The following AKT3 variants were observed in gnomAD, a reference collection of about 807,000 sequenced individuals.
The protein encoded by AKT3 is RAC-gamma serine/threonine-protein kinase.
A neutral mutation model predicts 65.3 loss-of-function variants in AKT3; 15 were observed. That is an observed-to-expected ratio of 0.23 (90% CI 0.15 to 0.35). The LOEUF (loss-of-function observed/expected upper bound fraction) is 0.35. AKT3 is among the 10% of genes least tolerant of loss of function. The pLI is 1.00. For missense variants in AKT3, 243 were observed against 576.5 expected, an observed-to-expected ratio of 0.42 and a Z score of 5.92; for synonymous variants, 206 against 183.8, an observed-to-expected ratio of 1.12 and a Z score of -0.98.
intron 6 of AKT3, among the ~76,000 whole-genome samples, chr1:243,631,432 G>T (rs1679604176): frequency 6.6e-6 from 1 of 152,014 alleles, no homozygotes. Context: ...GGGATTACAG[G>T]CACCTGCCAT....
chr1:243,667,081 A>G (rs1682838454), intron 3 of AKT3, among the ~76,000 whole-genome samples: 1 of 152,202 alleles, frequency 6.6e-6, no homozygotes, highest in South Asian at 2.1e-4. Flanking sequence ...AAAATTTGAA[A>G]TACAATCTCC....
intron 4 of AKT3, among the ~76,000 whole-genome samples, chr1:243,647,694 G>A (rs1680923114): frequency 6.6e-6 from 1 of 152,080 alleles, no homozygotes; most frequent in Non-Finnish European, 1.5e-5. Flanking sequence ...CATGTGGTAT[G>A]CAAACAAGAG....
chr1:243,789,611 C>T lies in AKT3; in HGVS notation c.46+53514G>A, dbSNP rs140633192. 4.1e-3 allele frequency among the ~76,000 whole-genome samples: 622 copies of T among 152,268 alleles called. 3 individuals are homozygous for T. Among genetic ancestry groups the T allele is most frequent in the Non-Finnish European group, 7.1e-3 (483 of 68,020 alleles). On this transcript the variant is annotated intron_variant, in intron 2 of 13. Coordinates refer to ENST00000673466, the MANE Select transcript of AKT3 (RefSeq NM_005465.7). The stretch of plus-strand genomic sequence containing the variant: ...AACTTTTTCCAAACTCTTGTTAATG[C>T]TGATATTCTGACCTCCTCCCATGAT...
chr1:243,573,096 TG>T, intron 8 of AKT3, 48 bp from the exon 9 acceptor site: 3 of 1,597,764 alleles, frequency 1.9e-6, no homozygotes, highest in Non-Finnish European at 2.6e-6. Flanking sequence ...ACTGATTTAG[TG>T]GGGGAAATTA....
At chr1:243,710,391 C>T (rs990876238) in intron 2 of AKT3, among the ~76,000 whole-genome samples, 1 of 152,112 alleles carries the variant, frequency 6.6e-6, no homozygotes, top group African/African-American at 2.4e-5. Flanking sequence ...CATCCATCAC[C>T]ATGTGCCATT....
chr1:243,678,254 A>C (rs191242252), intron 3 of AKT3, among the ~76,000 whole-genome samples: 1 of 152,246 alleles, frequency 6.6e-6, no homozygotes, highest in East Asian at 1.9e-4. Context: ...CTGGCTTTGA[A>C]AGATGGTTCC....
rs144367893 is a variant in AKT3, at chr1:243,517,554, C to T, written c.1252-5128G>A. Among the ~76,000 whole-genome samples the T allele has an allele frequency of 1.4e-3, 215 of 152,264 alleles. 1 individual carries two copies. The East Asian group carries it at 0.033, about 23-fold the overall frequency. On this transcript the variant is annotated intron_variant, in intron 12 of 13. Transcript: ENST00000673466. ...ACTCCCTTAATTATTATGAAATGTT[C>T]CTCCTTATCTCCAGCAATATTACTT...
At chr1:243,562,134 T>C (rs774121361) in intron 10 of AKT3, among the ~76,000 whole-genome samples, 23 of 152,160 alleles carry the variant, frequency 1.5e-4, no homozygotes, top group African/African-American at 5.1e-4. Flanking sequence ...TAATGGAATA[T>C]TATCCAGCCA....
intron 6 of AKT3, among the ~76,000 whole-genome samples, chr1:243,620,718 G>A (rs1051523969): frequency 2.0e-5 from 3 of 152,074 alleles, no homozygotes; most frequent in Admixed American, 6.6e-5. Flanking sequence ...CCTTGATGGA[G>A]ATGAAAGCAC....
chr1:243,509,521 T>C (rs1669888450), intron 13 of AKT3, among the ~76,000 whole-genome samples: 1 of 152,194 alleles, frequency 6.6e-6, no homozygotes, highest in South Asian at 2.1e-4. Flanking sequence ...TACAACAGTT[T>C]CTAATTGACC....
chr1:243,507,232 T>G (rs1309978730), intron 13 of AKT3, among the ~76,000 whole-genome samples: 1 of 152,210 alleles, frequency 6.6e-6, no homozygotes, highest in African/African-American at 2.4e-5. Context: ...GCACCCAGGT[T>G]AGCCAGATGC....
chr1:243,842,467 G>A (rs527271728), intron 2 of AKT3, among the ~76,000 whole-genome samples: 29 of 152,178 alleles, frequency 1.9e-4, no homozygotes, highest in African/African-American at 6.7e-4. Flanking sequence ...GCTTTACATC[G>A]AAGGGTTCTT....
At chr1:243,833,516 T>C (rs1175920194) in intron 2 of AKT3, among the ~76,000 whole-genome samples, 1 of 151,618 alleles carries the variant, frequency 6.6e-6, no homozygotes, top group Non-Finnish European at 1.5e-5. Flanking sequence ...GTGATTCAAT[T>C]ACCTCCGCCT....
chr1:243,813,423 A>C (rs1324409845), intron 2 of AKT3, among the ~76,000 whole-genome samples: 1 of 152,044 alleles, frequency 6.6e-6, no homozygotes, highest in African/African-American at 2.4e-5. Context: ...AAAATCTCGT[A>C]AGTCACCACT....
chr1:243,736,648 A>AT (rs1687857987), intron 2 of AKT3, among the ~76,000 whole-genome samples: 1 of 152,230 alleles, frequency 6.6e-6, no homozygotes, highest in Non-Finnish European at 1.5e-5. Context: ...CAGCAATCTT[A>AT]AAGAAATTAG....
At chr1:243,687,857 C>T (rs184234800) in intron 3 of AKT3, 20 of 152,212 alleles carry the variant, frequency 1.3e-4, no homozygotes, top group Non-Finnish European at 2.4e-4. Flanking sequence ...CTGCAAATAT[C>T]TGAACATAAC....
intron 2 of AKT3, among the ~76,000 whole-genome samples, chr1:243,835,112 T>C (rs1392188034): frequency 1.3e-5 from 2 of 152,178 alleles, no homozygotes; most frequent in Non-Finnish European, 2.9e-5. Context: ...ACCTCAGCAC[T>C]ACTAACATTT....
intron 3 of AKT3, among the ~76,000 whole-genome samples, chr1:243,677,226 C>A (rs1038218617): frequency 6.6e-6 from 1 of 152,156 alleles, no homozygotes; most frequent in African/African-American, 2.4e-5. Context: ...AGATTCTAGT[C>A]ACTCAAGATC....
intron 4 of AKT3, among the ~76,000 whole-genome samples, chr1:243,655,449 GT>G (rs142329695): frequency 1.1e-3 from 171 of 149,566 alleles, no homozygotes; most frequent in African/African-American, 3.7e-3. Flanking sequence ...TCTATTGTCT[GT>G]TTTTTTTTCC....
Sources: gnomAD v4.1 joint callset for allele counts (sites outside exome capture counted in the v4.1 genomes callset) on GRCh38, gnomAD v4.1.1 for gene constraint, MANE v1.5 for transcripts, NCBI Gene and HGNC (gene_info 2026-07-23, HGNC 2026-07-21) for gene names.